GSK3B: variants seen among roughly 807,000 people sequenced by gnomAD.
GSK3B encodes the protein glycogen synthase kinase 3 beta.
GSK3B carries 15 observed loss-of-function variants against 56.4 expected under a neutral mutation model. The ratio of observed to expected loss-of-function variants is 0.27; its 90% CI spans 0.18 to 0.41. GSK3B has a LOEUF of 0.41. Among genes scored for constraint, GSK3B ranks in the 10% least tolerant of loss-of-function variants. The pLI is 1.00. For missense variants in GSK3B, 300 were observed against 513.4 expected (o/e 0.58, Z 4.02); for synonymous variants, 181 against 188.9 (o/e 0.96, Z 0.34).
intron 7 of GSK3B, among the ~76,000 whole-genome samples, chr3:119,877,221 G>A (rs931857817): frequency 6.6e-6 from 1 of 152,050 alleles, no homozygotes; most frequent in Admixed American, 6.6e-5. Flanking sequence ...ACATCTGAGA[G>A]TATTTTTTCT....
At chr3:120,028,759 C>G in intron 1 of GSK3B, 1 of 473,442 alleles carries the variant, frequency 2.1e-6, no homozygotes, top group South Asian at 1.6e-5. Context: ...TGAGGCTGGG[C>G]AGAGAGAGGT....
intron 6 of GSK3B, 37 bp from the exon 7 acceptor site, chr3:119,905,889 C>A (rs559367055): frequency 8.9e-7 from 1 of 1,124,070 alleles, no homozygotes; most frequent in African/African-American, 1.5e-5. Context: ...ATTAATACTT[C>A]ATAGCTTGAG....
At chr3:119,963,641 A>G (rs1455699939) in intron 2 of GSK3B, among the ~76,000 whole-genome samples, 42 of 150,488 alleles carry the variant, frequency 2.8e-4, no homozygotes, top group East Asian at 1.5e-3. Flanking sequence ...AAAAAAAAAA[A>G]AAAGAAAGAA....
intron 8 of GSK3B, among the ~76,000 whole-genome samples, chr3:119,872,356 C>T (rs1316361964): frequency 2.0e-5 from 3 of 152,062 alleles, no homozygotes; most frequent in Non-Finnish European, 2.9e-5. Flanking sequence ...TGGGACCTTC[C>T]TGAGAGTGAA....
At chr3:119,923,884 G>T (rs945511505) in intron 3 of GSK3B, among the ~76,000 whole-genome samples, 11 of 152,226 alleles carry the variant, frequency 7.2e-5, no homozygotes, top group Admixed American at 4.6e-4. Context: ...AAGAAACATG[G>T]ATTTCTAGCC....
rs2055461240 is a variant in GSK3B, at chr3:119,824,182, GA to G, written c.*2605del. On this transcript the variant is annotated 3_prime_UTR_variant, in exon 11 of 11. Transcript: ENST00000264235. ...AAACTTAAATTTAAAAACACAGAAA[GA>G]AAATATAATGTACAAGCTTGAATTT... The G allele has an allele frequency of 4.9e-6, 1 of 205,324 alleles. No individual in the cohort carries two copies. Among genetic ancestry groups the G allele is most frequent in the African/African-American group, 2.3e-5 (1 of 43,794 alleles). The allele number at this position is 205,324 out of a possible 1,614,324, so 12.7% of individuals were successfully genotyped here. A position where few individuals can be genotyped will look rare whatever the true frequency, so the allele number is the denominator to read the frequency against.
chr3:120,014,596 G>A (rs1380648869), intron 1 of GSK3B, among the ~76,000 whole-genome samples: 4 of 152,116 alleles, frequency 2.6e-5, no homozygotes, highest in Non-Finnish European at 4.4e-5. Flanking sequence ...ATCAACAGCA[G>A]GATAAAAATT....
chr3:119,887,214 T>C (rs2056446170), intron 7 of GSK3B, among the ~76,000 whole-genome samples: 1 of 152,124 alleles, frequency 6.6e-6, no homozygotes, highest in Non-Finnish European at 1.5e-5. Flanking sequence ...AAAAGGCCAT[T>C]ATAGACTTCT....
At chr3:120,043,255 C>T (rs760396936) in intron 1 of GSK3B, among the ~76,000 whole-genome samples, 1 of 152,144 alleles carries the variant, frequency 6.6e-6, no homozygotes, top group Non-Finnish European at 1.5e-5. Context: ...AAAACACCAC[C>T]ACCTCCAGAG....
chr3:119,882,214 C>A (rs185494724), intron 7 of GSK3B, among the ~76,000 whole-genome samples: 1 of 151,486 alleles, frequency 6.6e-6, no homozygotes, highest in East Asian at 1.9e-4. Context: ...CTGTGAAATA[C>A]ACAATAAAAC....
At chr3:119,928,402 G>A (rs953333068) in intron 3 of GSK3B, among the ~76,000 whole-genome samples, 1 of 151,674 alleles carries the variant, frequency 6.6e-6, no homozygotes, top group Non-Finnish European at 1.5e-5. Flanking sequence ...TCAGGAGATC[G>A]AGACCATCCT....
intron 1 of GSK3B, among the ~76,000 whole-genome samples, chr3:120,070,180 T>C (rs1470880932): frequency 1.3e-5 from 2 of 149,164 alleles, no homozygotes; most frequent in Admixed American, 6.7e-5. Flanking sequence ...ACCACTGCAC[T>C]CCAGCCTGGC....
intron 9 of GSK3B, among the ~76,000 whole-genome samples, chr3:119,861,804 C>T (rs545069021): frequency 2.0e-5 from 3 of 152,112 alleles, no homozygotes; most frequent in Admixed American, 6.5e-5. Flanking sequence ...CACTCTGTAA[C>T]GTCTGCACAA....
intron 3 of GSK3B, among the ~76,000 whole-genome samples, chr3:119,946,985 T>C (rs1293857572): frequency 6.6e-6 from 1 of 151,260 alleles, no homozygotes; most frequent in Non-Finnish European, 1.5e-5. Context: ...GGAACATAGA[T>C]GTCTTTAAAA....
intron 1 of GSK3B, among the ~76,000 whole-genome samples, chr3:120,089,603 A>C (rs2058494008): frequency 6.6e-6 from 1 of 152,216 alleles, no homozygotes; most frequent in African/African-American, 2.4e-5. Context: ...TGATCTAAAA[A>C]AGTTTTATAT....
chr3:119,964,980 C>T (rs111800972), intron 2 of GSK3B, among the ~76,000 whole-genome samples: 1 of 150,946 alleles, frequency 6.6e-6, no homozygotes, highest in African/African-American at 2.4e-5. Flanking sequence ...ATTTTTAACA[C>T]AGCAAACAAA....
At chr3:120,001,679 C>A (rs938662933) in intron 2 of GSK3B, among the ~76,000 whole-genome samples, 61 of 152,190 alleles carry the variant, frequency 4.0e-4, no homozygotes, top group African/African-American at 1.4e-3. Flanking sequence ...GAAGCATAGT[C>A]AAATACATAA....
rs550029381 is a variant in GSK3B at position 119,887,749 on chromosome 3, A to C, written c.814-11241T>G. Among the ~76,000 whole-genome samples the C allele has an allele frequency of 2.6e-4, 40 of 152,248 alleles. No individual in the cohort carries two copies. In the South Asian group the frequency reaches 8.3e-3, roughly 32 times the overall value. On this transcript the variant is annotated intron_variant, in intron 7 of 10. Transcript: ENST00000264235. ...TAAAAACCATGATTATCCCACAAACACAAGAAGTTCAATGAACCTTAATGA... is the reference window on the plus strand; with the variant it reads ...TAAAAACCATGATTATCCCACAAACCCAAGAAGTTCAATGAACCTTAATGA...
At chr3:120,085,444 C>T (rs1453918035) in intron 1 of GSK3B, among the ~76,000 whole-genome samples, 1 of 152,146 alleles carries the variant, frequency 6.6e-6, no homozygotes, top group African/African-American at 2.4e-5. Flanking sequence ...GTGCTCACAC[C>T]ACATACTCAA....
Sources: allele counts gnomAD v4.1 joint callset (sites outside exome capture counted in the v4.1 genomes callset), GRCh38; gene constraint gnomAD v4.1.1; transcripts MANE v1.5; gene names NCBI Gene and HGNC (gene_info 2026-07-23, HGNC 2026-07-21).